The following FDFT1 variants were observed in gnomAD, a reference collection of about 807,000 sequenced individuals.
FDFT1 encodes squalene synthase.
In FDFT1, 68 loss-of-function variants were observed where a neutral mutation model predicts 46.8. The ratio of observed to expected loss-of-function variants is 1.45; its 90% CI spans 1.19 to 1.78. FDFT1 has a LOEUF of 1.78. Among genes scored for constraint, FDFT1 ranks in the 40% most tolerant of loss-of-function variants. The pLI, the probability that FDFT1 is intolerant of heterozygous loss-of-function variation, is 0.00. For synonymous variants in FDFT1, 351 were observed against 185.1 expected (o/e 1.90, Z -7.28); for missense variants, 928 against 524.4 (o/e 1.77, Z -7.52).
At chr8:11,809,042 T>G in intron 2 of FDFT1, 151 bp downstream of exon 2, 1 of 1,358,012 alleles carries the variant, frequency 7.4e-7, no homozygotes, top group Non-Finnish European at 9.8e-7. Context: ...GTGTTTACTT[T>G]AGAAAGCCCT....
At chr8:11,818,019 C>T (rs1038344964) in intron 3 of FDFT1, among the ~76,000 whole-genome samples, 5 of 152,176 alleles carry the variant, frequency 3.3e-5, no homozygotes, top group Non-Finnish European at 5.9e-5. Context: ...TTTCCCTCTA[C>T]ACACTGCTTT....
upstream of FDFT1, chr8:11,802,375 C>T: frequency 2.2e-6 from 1 of 452,300 alleles, no homozygotes; most frequent in Non-Finnish European, 4.4e-6. Context: ...CTCCCGACTG[C>T]GGACCACCGT....
intron 3 of FDFT1, among the ~76,000 whole-genome samples, chr8:11,815,056 C>G (rs1207821127): frequency 6.6e-6 from 1 of 152,000 alleles, no homozygotes; most frequent in African/African-American, 2.4e-5. Flanking sequence ...ATGTGATGTT[C>G]CCCTCCTTGT....
intron 3 of FDFT1, among the ~76,000 whole-genome samples, chr8:11,811,370 C>G (rs555069630): frequency 3.9e-4 from 60 of 152,230 alleles, no homozygotes; most frequent in African/African-American, 1.4e-3. Context: ...CTAGAAACAG[C>G]CAAATTACAT....
At chr8:11,803,707 A>G (rs193167528) in intron 1 of FDFT1, 21 of 260,274 alleles carry the variant, frequency 8.1e-5, no homozygotes, top group African/African-American at 4.7e-4. Context: ...TTTTTGGGCC[A>G]ACAGGACAGT....
At chr8:11,807,564 C>G (rs1487622633) in intron 1 of FDFT1, among the ~76,000 whole-genome samples, 2 of 145,100 alleles carry the variant, frequency 1.4e-5, no homozygotes, top group African/African-American at 2.5e-5. Context: ...ATTTTCCACT[C>G]CCTGTGGGCC....
At chr8:11,796,520 G>T (rs565270535) in intron 1 of FDFT1, among the ~76,000 whole-genome samples, 6 of 152,322 alleles carry the variant, frequency 3.9e-5, no homozygotes, top group African/African-American at 1.4e-4. Flanking sequence ...CTGTAGTAAG[G>T]GAGTTTTGTA....
Position 11,831,689 on chromosome 8 carries a change from A to G in FDFT1, c.1032+19A>G. ...GGAAGAGGTGGGTTTTTATTTAACT[A>G]CTTGGATAATTTGTAGCTACTTTTA... is the stretch of plus-strand genomic sequence containing the variant. On this transcript the variant is annotated intron_variant, in intron 7 of 7. Transcript: ENST00000220584. The G allele has an allele frequency of 6.3e-7, 1 of 1,596,122 alleles. No individual in the cohort carries two copies. Among genetic ancestry groups the G allele is most frequent in the Non-Finnish European group, 8.6e-7 (1 of 1,163,880 alleles).
chr8:11,802,621 C>T (rs1385643692), upstream of FDFT1: 20 of 592,544 alleles, frequency 3.4e-5, no homozygotes, highest in South Asian at 3.6e-4. Context: ...AATCAGCGCC[C>T]GTCAGCCCAC....
chr8:11,828,545 C>T (rs1810328604), intron 5 of FDFT1, among the ~76,000 whole-genome samples: 2 of 152,240 alleles, frequency 1.3e-5, no homozygotes, highest in South Asian at 2.1e-4. Context: ...TCCATTGTCT[C>T]CCAGACAGAA....
At chr8:11,819,170 T>C (rs1808873161) in intron 3 of FDFT1, among the ~76,000 whole-genome samples, 1 of 152,228 alleles carries the variant, frequency 6.6e-6, no homozygotes. Flanking sequence ...ATGCTGAATA[T>C]TGGCCCCCAC....
intron 1 of FDFT1, among the ~76,000 whole-genome samples, chr8:11,807,787 A>G (rs1178667146): frequency 6.6e-6 from 1 of 152,234 alleles, no homozygotes; most frequent in Non-Finnish European, 1.5e-5. Context: ...CTGGCTTTCT[A>G]GAGAATAGTA....
At chr8:11,834,671 G>T (rs770829461) in intron 7 of FDFT1, among the ~76,000 whole-genome samples, 1 of 152,240 alleles carries the variant, frequency 6.6e-6, no homozygotes, top group Non-Finnish European at 1.5e-5. Flanking sequence ...ATAGACAAGA[G>T]TTTTAAATGA....
At chr8:11,801,890 C>A, upstream of FDFT1, 1 of 447,876 alleles carries the variant, frequency 2.2e-6, no homozygotes. Context: ...CGGGTTTCAC[C>A]ATGTTGGCCA....
chr8:11,810,339 G>A (rs1347474364), intron 3 of FDFT1, among the ~76,000 whole-genome samples: 4 of 152,152 alleles, frequency 2.6e-5, no homozygotes, highest in Non-Finnish European at 2.9e-5. Context: ...TTGACTACCC[G>A]GAGCCTGGTA....
At chr8:11,810,102 T>C (rs1585885503) in intron 3 of FDFT1, 1 of 445,484 alleles carries the variant, frequency 2.2e-6, no homozygotes, top group South Asian at 3.6e-5. Flanking sequence ...ATCTGTAAAA[T>C]AGGGGTAATA....
Position 11,826,285 on chromosome 8 carries a change from G to A in FDFT1, c.702+70G>A, listed in dbSNP as rs143361983. The A allele has an allele frequency of 4.5e-4, 558 of 1,244,644 alleles. 2 individuals carry two copies. In the African/African-American group the frequency reaches 7.4e-3, roughly 17 times the overall value. 77.1% of individuals were successfully genotyped at this position (1,244,644 alleles called of 1,614,324 possible). On this transcript the variant is annotated intron_variant, in intron 5 of 7. Coordinates refer to ENST00000220584, the MANE Select transcript of FDFT1 (RefSeq NM_004462.5). ...CTCTGAAAAATCCTTTAACTCTTGT[G>A]GTTGCGGGTGACAGAAAAACAAGTC... is the stretch of plus-strand genomic sequence containing the variant.
At chr8:11,806,873 G>A (rs1441631353) in intron 1 of FDFT1, among the ~76,000 whole-genome samples, 1 of 152,126 alleles carries the variant, frequency 6.6e-6, no homozygotes, top group African/African-American at 2.4e-5. Context: ...ATATTTATGT[G>A]CCAGACGCTG....
At chr8:11,803,352 G>GA in intron 1 of FDFT1, 1 of 1,290,868 alleles carries the variant, frequency 7.7e-7, no homozygotes, top group Non-Finnish European at 1.0e-6. Flanking sequence ...TTTCTGGAAT[G>GA]AAGTCTGACT....
Sources: allele counts gnomAD v4.1 joint callset (sites outside exome capture counted in the v4.1 genomes callset), GRCh38; gene constraint gnomAD v4.1.1; transcripts MANE v1.5; gene names NCBI Gene and HGNC (gene_info 2026-07-23, HGNC 2026-07-21).